The following RNF115 variants were observed in gnomAD, a reference collection of about 807,000 sequenced individuals.
The protein encoded by RNF115 is ring finger protein 115, also known as E3 ubiquitin-protein ligase RNF115.
Under a neutral mutation model 39.2 loss-of-function variants are expected in RNF115, and 31 were observed. That is an observed-to-expected ratio of 0.79 (90% CI 0.59 to 1.07). RNF115 has a LOEUF of 1.07. Among genes scored for constraint, RNF115 ranks in the 50% least tolerant of loss-of-function variants. The pLI is 0.00. For missense variants in RNF115, 384 were observed against 381.7 expected, an observed-to-expected ratio of 1.01 and a Z score of -0.05; for synonymous variants, 124 against 131.0, an observed-to-expected ratio of 0.95 and a Z score of 0.37.
rs1657697131 is a variant in RNF115 at position 145,741,692 on chromosome 1, T to G, written c.*5174A>C. On this transcript the variant is annotated 3_prime_UTR_variant, in exon 9 of 9. Transcript: ENST00000582693. The stretch of plus-strand genomic sequence containing the variant: ...ATAAGTCGTCCCCAATCCCCAGATC[T>G]CCAATGGATTATTCTTGTAAACAGC... 1 of 152,246 alleles carries G rather than the reference T, an allele frequency of 6.6e-6. No homozygotes were observed. The highest frequency in any genetic ancestry group is 2.4e-5 in the African/African-American group (1 of 41,432). The allele number at this position is 152,246 out of a possible 1,614,324, so 9.4% of individuals were successfully genotyped here.
rs781905766 is a variant in RNF115, at chr1:145,748,071, G to C, written c.707C>G (p.Thr236Arg). 1.2e-6 allele frequency: 2 copies of C among 1,613,510 alleles called. No individual in the cohort carries two copies. The highest frequency in any genetic ancestry group is 1.6e-4 in the Middle Eastern group (1 of 6,080). ...LECPVCKEDY[T>R]VEEEVRQLPC... ...TAACTGCCGGACTTCCTCTTCAACTGTGTAATCTTCTTTGCATACTGGACA... is the reference window on the plus strand; with the variant it reads ...TAACTGCCGGACTTCCTCTTCAACTCTGTAATCTTCTTTGCATACTGGACA... The change falls in exon 8 of 9, where the codon ACA (threonine) becomes AGA (arginine). Residue 236 changes from threonine (T) to arginine (R), a missense_variant. Transcript: ENST00000582693.
chr1:145,794,470 T>C (rs1041277403), intron 1 of RNF115, among the ~76,000 whole-genome samples: 5 of 151,382 alleles, frequency 3.3e-5, no homozygotes, highest in African/African-American at 9.7e-5. Context: ...TTTCCCTAAC[T>C]TTCTGCATGG....
At chr1:145,756,396 G>A (rs1553713162) in intron 4 of RNF115, among the ~76,000 whole-genome samples, 1 of 151,790 alleles carries the variant, frequency 6.6e-6, no homozygotes, top group Non-Finnish European at 1.5e-5. Flanking sequence ...GGACACGGAC[G>A]TTGCACTGAG....
At chr1:145,766,982 G>A (rs1243985590) in intron 4 of RNF115, among the ~76,000 whole-genome samples, 2 of 137,398 alleles carry the variant, frequency 1.5e-5, no homozygotes, top group Admixed American at 6.9e-5. Flanking sequence ...GTGGCTGGCC[G>A]GGCAGAGGGG....
rs1390669990 is a variant in RNF115 at position 145,742,085 on chromosome 1, G to A, written c.*4781C>T. 3 of 152,128 alleles carry A rather than the reference G, an allele frequency of 2.0e-5. No homozygotes were observed. Among genetic ancestry groups the A allele is most frequent in the Non-Finnish European group, 2.9e-5 (2 of 68,036 alleles). The allele number at this position is 152,128 out of a possible 1,614,324, so 9.4% of individuals were successfully genotyped here. The stretch of plus-strand genomic sequence containing the variant: ...GATCACGCCACTGCACTCCAGCCTG[G>A]GCGAAAGAGTGAGATTGTGTCTCAA... On this transcript the variant is annotated 3_prime_UTR_variant, in exon 9 of 9. Transcript: ENST00000582693.
At chr1:145,778,478 T>C (rs1486395472) in intron 3 of RNF115, among the ~76,000 whole-genome samples, 3 of 152,192 alleles carry the variant, frequency 2.0e-5, no homozygotes, top group Non-Finnish European at 4.4e-5. Flanking sequence ...AATTACGTAG[T>C]ATATGAATTA....
chr1:145,743,868 T>C lies in RNF115; in HGVS notation c.*2998A>G, dbSNP rs1657776854. On this transcript the variant is annotated 3_prime_UTR_variant, in exon 9 of 9. Coordinates refer to ENST00000582693, the MANE Select transcript of RNF115 (RefSeq NM_014455.4). ...AAGAATCCTAACTCCTCAACATAAA[T>C]TAACCTGGACATCTGAGGTGCCTGC... 1 of 151,398 alleles carries C rather than the reference T, an allele frequency of 6.6e-6. No individual in the cohort carries two copies. The highest frequency in any genetic ancestry group is 1.5e-5 in the Non-Finnish European group (1 of 67,864). The allele number at this position is 151,398 out of a possible 1,614,324, so 9.4% of individuals were successfully genotyped here.
Position 145,742,948 on chromosome 1 carries a change from T to C in RNF115, c.*3918A>G, listed in dbSNP as rs111231329. 126,721 of 152,104 alleles carry C rather than the reference T, an allele frequency of 0.83. 53,010 individuals are homozygous for C. Among genetic ancestry groups the C allele is most frequent in the African/African-American group, 0.89 (37,035 of 41,508 alleles). 9.4% of individuals were successfully genotyped at this position (152,104 alleles called of 1,614,324 possible). On this transcript the variant is annotated 3_prime_UTR_variant, in exon 9 of 9. Transcript: ENST00000582693. Reference sequence around the variant, plus strand: ...TTGGGAGGCCGAGGCGGGTGGTCACTTGAGGTCAGGAGTTTGAAAACAGCC... The same window carrying C: ...TTGGGAGGCCGAGGCGGGTGGTCACCTGAGGTCAGGAGTTTGAAAACAGCC...
chr1:145,802,948 C>T (rs1454571749), intron 1 of RNF115, among the ~76,000 whole-genome samples: 1 of 152,166 alleles, frequency 6.6e-6, no homozygotes, highest in Non-Finnish European at 1.5e-5. Flanking sequence ...TTTTCAAAAG[C>T]ATCAAGTGAA....
At chr1:145,794,750 G>A (rs12073723) in intron 1 of RNF115, among the ~76,000 whole-genome samples, 5 of 151,726 alleles carry the variant, frequency 3.3e-5, no homozygotes, top group African/African-American at 1.2e-4. Flanking sequence ...AGGCGCAGTA[G>A]CTCACGCCTG....
chr1:145,755,732 T>TA (rs200085069), intron 4 of RNF115, among the ~76,000 whole-genome samples: 105 of 150,302 alleles, frequency 7.0e-4, no homozygotes, highest in Middle Eastern at 3.4e-3. Context: ...TGAAGAGCCT[T>TA]AAAAAAAAAC....
chr1:145,781,112 T>C (rs1347226646), intron 3 of RNF115, among the ~76,000 whole-genome samples: 1 of 152,136 alleles, frequency 6.6e-6, no homozygotes, highest in Non-Finnish European at 1.5e-5. Flanking sequence ...CCCTACCTTC[T>C]CTCTATCCCA....
intron 6 of RNF115, among the ~76,000 whole-genome samples, chr1:145,751,124 T>C (rs1553712413): frequency 6.6e-6 from 1 of 152,204 alleles, no homozygotes; most frequent in African/African-American, 2.4e-5. Context: ...CCTTTTTTTG[T>C]GAAATATTTG....
intron 1 of RNF115, among the ~76,000 whole-genome samples, chr1:145,789,709 T>G (rs1648572053): frequency 7.3e-6 from 1 of 137,240 alleles, no homozygotes; most frequent in Non-Finnish European, 1.6e-5. Context: ...TCTTTTTTTT[T>G]TTTTTTTTTT....
chr1:145,778,361 G>A (rs1647972756), intron 3 of RNF115, among the ~76,000 whole-genome samples: 2 of 152,158 alleles, frequency 1.3e-5, no homozygotes, highest in African/African-American at 4.8e-5. Context: ...CTACTAATGT[G>A]TATGGGGATT....
intron 1 of RNF115, among the ~76,000 whole-genome samples, chr1:145,802,726 G>C (rs1278546911): frequency 6.6e-6 from 1 of 152,134 alleles, no homozygotes; most frequent in African/African-American, 2.4e-5. Flanking sequence ...ACAATTTTAA[G>C]TTAGTCACAT....
intron 1 of RNF115, among the ~76,000 whole-genome samples, chr1:145,820,579 T>C (rs1650189714): frequency 6.6e-6 from 1 of 151,678 alleles, no homozygotes; most frequent in South Asian, 2.1e-4. Context: ...CTACTAAAAA[T>C]ACAAAAATTA....
intron 3 of RNF115, among the ~76,000 whole-genome samples, chr1:145,775,233 T>C (rs781901378): frequency 1.5e-4 from 23 of 152,192 alleles, no homozygotes; most frequent in Non-Finnish European, 2.4e-4. Flanking sequence ...ACCCTAATTA[T>C]ATGCTATGTT....
chr1:145,772,095 T>TGA, intron 3 of RNF115, 176 bp from the exon 4 acceptor site: 1 of 571,186 alleles, frequency 1.8e-6, no homozygotes, highest in Non-Finnish European at 3.1e-6. Flanking sequence ...GATCTATACA[T>TGA]CTTCAACTTT....
Sources: allele counts gnomAD v4.1 joint callset (sites outside exome capture counted in the v4.1 genomes callset), GRCh38; gene constraint gnomAD v4.1.1; transcripts MANE v1.5; gene names NCBI Gene and HGNC (gene_info 2026-07-23, HGNC 2026-07-21).